ZNF407: variants seen among roughly 807,000 people sequenced by gnomAD.
ZNF407 encodes the protein zinc finger protein 407.
In ZNF407, 17 loss-of-function variants were observed where a neutral mutation model predicts 131.2. The ratio of observed to expected loss-of-function variants is 0.13; its 90% CI spans 0.09 to 0.19. The LOEUF (loss-of-function observed/expected upper bound fraction) is 0.19, where lower values mean the gene tolerates loss of function less well. ZNF407 is among the 10% of genes least tolerant of loss of function. ZNF407 has a pLI of 1.00. For synonymous variants in ZNF407, 1,156 were observed against 1,062.0 expected (o/e 1.09, Z -1.72); for missense variants, 2,681 against 2,830.6 (o/e 0.95, Z 1.20).
chr18:75,009,879 G>T (rs1050321593), intron 8 of ZNF407, among the ~76,000 whole-genome samples: 1 of 152,062 alleles, frequency 6.6e-6, no homozygotes, highest in African/African-American at 2.4e-5. Flanking sequence ...TAAGACTTTT[G>T]TTTTTGCATT....
intron 1 of ZNF407, among the ~76,000 whole-genome samples, chr18:74,611,636 C>A (rs1034668587): frequency 6.6e-6 from 1 of 152,128 alleles, no homozygotes; most frequent in Non-Finnish European, 1.5e-5. Context: ...TGCTTATATA[C>A]AGCTGGTGGA....
At chr18:74,775,672 G>A (rs532678064) in intron 3 of ZNF407, among the ~76,000 whole-genome samples, 15 of 152,110 alleles carry the variant, frequency 9.9e-5, no homozygotes, top group African/African-American at 3.1e-4. Flanking sequence ...GGCTGTTCTC[G>A]CATGGCTATA....
In ZNF407 at chr18:74,924,182, G is replaced by T. The variant is rs146360279; in HGVS notation, c.5428+3490G>T. ...TGATCTTAGAAGTCAGAGTTTATTT[G>T]CCCTTGTAGGCACCAGTCACTGAAT... On this transcript the variant is annotated intron_variant, in intron 8 of 8. Transcript: ENST00000299687. 2.3e-3 allele frequency among the ~76,000 whole-genome samples: 357 copies of T among 152,210 alleles called. 3 individuals are homozygous for T. Among genetic ancestry groups the T allele is most frequent in the African/African-American group, 8.0e-3 (333 of 41,538 alleles).
At chr18:74,668,661 T>C (rs1986024013) in intron 3 of ZNF407, among the ~76,000 whole-genome samples, 1 of 152,242 alleles carries the variant, frequency 6.6e-6, no homozygotes, top group South Asian at 2.1e-4. Flanking sequence ...GCACTTATTA[T>C]AGACTTAGAA....
intron 1 of ZNF407, among the ~76,000 whole-genome samples, chr18:74,598,695 G>A (rs1185314651): frequency 1.3e-5 from 2 of 152,280 alleles, no homozygotes. Context: ...TTGCGCCACT[G>A]CGGGGAGACC....
chr18:74,665,559 G>A (rs976110796), intron 3 of ZNF407, among the ~76,000 whole-genome samples: 2 of 152,138 alleles, frequency 1.3e-5, no homozygotes, highest in African/African-American at 2.4e-5. Context: ...GTCACATTGC[G>A]CAAGTTTCAG....
intron 3 of ZNF407, among the ~76,000 whole-genome samples, chr18:74,666,354 G>A (rs1038708056): frequency 6.6e-6 from 1 of 152,142 alleles, no homozygotes; most frequent in Non-Finnish European, 1.5e-5. Flanking sequence ...GGGTGGGCCC[G>A]AGGTTCCTGG....
chr18:74,760,259 A>G (rs1969064824), intron 3 of ZNF407, among the ~76,000 whole-genome samples: 1 of 152,160 alleles, frequency 6.6e-6, no homozygotes, highest in South Asian at 2.1e-4. Flanking sequence ...GCATTGTGGA[A>G]TGTGCTTCAT....
At chr18:74,866,160 C>T (rs944569742) in intron 4 of ZNF407, among the ~76,000 whole-genome samples, 8 of 152,252 alleles carry the variant, frequency 5.3e-5, no homozygotes, top group East Asian at 1.9e-4. Context: ...TGATCTATGT[C>T]GGGTTCTACT....
chr18:74,604,271 G>A (rs1008827588), intron 1 of ZNF407, among the ~76,000 whole-genome samples: 1 of 152,166 alleles, frequency 6.6e-6, no homozygotes, highest in Non-Finnish European at 1.5e-5. Context: ...TTTTCTCCTT[G>A]TTAGCTTTTG....
rs1490534457 is a variant in ZNF407 at position 75,064,279 on chromosome 18, C to T, written c.6558C>T (p.Tyr2186=). 5 of 1,604,808 alleles carry T rather than the reference C, an allele frequency of 3.1e-6. No homozygotes were observed. The highest frequency in any genetic ancestry group is 4.2e-6 in the Non-Finnish European group (5 of 1,176,624). ...PPGVQDEPGL[Y]SHTVLETADS... The stretch of plus-strand genomic sequence containing the variant: ...GGGTGCAGGACGAGCCGGGCCTGTA[C>T]TCCCACACCGTGCTGGAGACTGCGG... The change falls in exon 9 of 9, where the codon TAC becomes TAT. Residue 2186 remains tyrosine (Y), a synonymous_variant. Coordinates refer to ENST00000299687, the MANE Select transcript of ZNF407 (RefSeq NM_017757.3).
intron 4 of ZNF407, among the ~76,000 whole-genome samples, chr18:74,871,858 C>A (rs1313059396): frequency 1.5e-5 from 2 of 137,482 alleles, no homozygotes; most frequent in East Asian, 2.2e-4. Flanking sequence ...TTACAGATTT[C>A]TTTCTTTCTT....
In ZNF407 at chr18:74,964,475, C is replaced by G. The variant is rs547528823; in HGVS notation, c.5428+43783C>G. 2.0e-5 allele frequency among the ~76,000 whole-genome samples: 3 copies of G among 151,296 alleles called. No homozygotes were observed. The South Asian group carries it at 6.3e-4, about 32-fold the overall frequency. ...TTTTTTGTTTGTAACCTTGGAATTT[C>G]TTGTATGTATAATACAATCAAAATT... On this transcript the variant is annotated intron_variant, in intron 8 of 8. Transcript: ENST00000299687.
intron 3 of ZNF407, among the ~76,000 whole-genome samples, chr18:74,756,783 TA>T: frequency 6.6e-6 from 1 of 152,294 alleles, no homozygotes; most frequent in East Asian, 1.9e-4. Flanking sequence ...TTACTTGTTA[TA>T]GCTCTATACA....
At chr18:74,855,575 A>G (rs1970848014) in intron 4 of ZNF407, among the ~76,000 whole-genome samples, 1 of 152,218 alleles carries the variant, frequency 6.6e-6, no homozygotes, top group Non-Finnish European at 1.5e-5. Flanking sequence ...TTAAAAGAAT[A>G]ACAATATGAA....
chr18:74,956,613 T>A (rs1057305897), intron 8 of ZNF407, among the ~76,000 whole-genome samples: 4 of 152,126 alleles, frequency 2.6e-5, no homozygotes, highest in Non-Finnish European at 5.9e-5. Context: ...AAGGTTTGTA[T>A]CAGTGGGTGT....
chr18:74,634,523 C>A lies in ZNF407; in HGVS notation c.3504C>A (p.Phe1168Leu). The A allele has an allele frequency of 6.2e-7, 1 of 1,613,808 alleles. No homozygotes were observed. Among genetic ancestry groups the A allele is most frequent in the Non-Finnish European group, 8.5e-7 (1 of 1,179,894 alleles). ...AAGACCATTCCTTTTGTGAGACTTT[C>A]CAACAGGCTCCTGTCAAGGATAAAG... ...FNEDHSFCETFQQAPVKDKVR... is the reference protein window; with the variant it reads ...FNEDHSFCETLQQAPVKDKVR... The change falls in exon 2 of 9, where the codon TTC becomes TTA. Residue 1168 changes from phenylalanine to leucine, a missense_variant. By Grantham distance (22) the Phe-to-Leu change is conservative. Coordinates refer to ENST00000299687, the MANE Select transcript of ZNF407 (RefSeq NM_017757.3).
chr18:74,823,103 C>T (rs1433789638), intron 4 of ZNF407, among the ~76,000 whole-genome samples: 1 of 151,918 alleles, frequency 6.6e-6, no homozygotes, highest in Admixed American at 6.6e-5. Flanking sequence ...TCATATCCAG[C>T]CAAACTAAGC....
intron 1 of ZNF407, among the ~76,000 whole-genome samples, chr18:74,620,415 T>C (rs916809934): frequency 5.8e-4 from 88 of 152,220 alleles, no homozygotes; most frequent in Non-Finnish European, 1.0e-4. Flanking sequence ...TTTTAGCCAC[T>C]ATGGCTTGAT....
Sources: gnomAD v4.1 joint callset for allele counts (sites outside exome capture counted in the v4.1 genomes callset) on GRCh38, gnomAD v4.1.1 for gene constraint, MANE v1.5 for transcripts, NCBI Gene and HGNC (gene_info 2026-07-23, HGNC 2026-07-21) for gene names.